Variants in NPAS2 observed in about 807,000 individuals in gnomAD.
The protein encoded by NPAS2 is neuronal PAS domain-containing protein 2.
NPAS2 carries 23 observed loss-of-function variants against 107.5 expected under a neutral mutation model. The observed-to-expected ratio is 0.21, with a 90% confidence interval of 0.15 to 0.30. The LOEUF is 0.30. Among genes scored for constraint, NPAS2 ranks in the 10% least tolerant of loss-of-function variants. The pLI is 1.00. For synonymous variants in NPAS2, 403 were observed against 417.5 expected (o/e 0.97, Z 0.42); for missense variants, 756 against 1,043.3 (o/e 0.72, Z 3.79).
chr2:100,842,592 C>G (rs925623514), intron 1 of NPAS2, among the ~76,000 whole-genome samples: 1 of 152,156 alleles, frequency 6.6e-6, no homozygotes, highest in Non-Finnish European at 1.5e-5. Context: ...ATATAAAGTC[C>G]TTAGTCGTGC....
chr2:100,860,075 C>A (rs1271799472), intron 1 of NPAS2, among the ~76,000 whole-genome samples: 3 of 152,132 alleles, frequency 2.0e-5, no homozygotes, highest in East Asian at 3.9e-4. Flanking sequence ...CAGATTGTCC[C>A]AATAATGTCC....
At chr2:100,838,762 A>G (rs1677218232) in intron 1 of NPAS2, among the ~76,000 whole-genome samples, 1 of 152,158 alleles carries the variant, frequency 6.6e-6, no homozygotes, top group Admixed American at 6.5e-5. Flanking sequence ...CGGAGGAGAT[A>G]ATGAGGGTGA....
Position 100,947,602 on chromosome 2 carries a change from G to A in NPAS2, c.364-633G>A, listed in dbSNP as rs10170726. 3.2e-3 allele frequency among the ~76,000 whole-genome samples: 484 copies of A among 151,724 alleles called. 3 individuals are homozygous for A. Among genetic ancestry groups the A allele is most frequent in the African/African-American group, 0.011 (436 of 41,354 alleles). ...TCAGTTCCTTGTTCACACTAGCCAC[G>A]TTTCAAGTGCTCAGTAACCATGTGG... On this transcript the variant is annotated intron_variant, in intron 5 of 20. Coordinates refer to ENST00000335681, the MANE Select transcript of NPAS2 (RefSeq NM_002518.4).
upstream of NPAS2, chr2:100,820,088 G>GAGGAGGC (rs1428637557): frequency 3.3e-5 from 5 of 150,778 alleles, no homozygotes; most frequent in Admixed American, 6.6e-5. This position sits in a 1 kb window ranked among gnomAD's most constrained non-coding sequence, Gnocchi z 5.6. Context: ...AGGGTGGAGG[G>GAGGAGGC]AGGAGGCAGG....
chr2:100,977,855 G>T (rs1210569876), intron 15 of NPAS2, 56 bp downstream of exon 15: 6 of 1,437,012 alleles, frequency 4.2e-6, no homozygotes, highest in Non-Finnish European at 5.9e-6. Flanking sequence ...TCCGCAGTGT[G>T]CTGCGCTGAT....
At chr2:100,840,412 G>A (rs1314274858) in intron 1 of NPAS2, among the ~76,000 whole-genome samples, 9 of 152,074 alleles carry the variant, frequency 5.9e-5, no homozygotes, top group African/African-American at 1.9e-4. Context: ...TTATTGAACT[G>A]CGCTGAAGGA....
chr2:100,949,320 C>T, intron 6 of NPAS2, 47 bp from the exon 7 acceptor site: 1 of 1,058,492 alleles, frequency 9.4e-7, no homozygotes, highest in Non-Finnish European at 1.5e-6. Flanking sequence ...AGAGTCTGTG[C>T]AATGCTCACG....
chr2:100,925,098 C>G, intron 2 of NPAS2, 48 bp from the exon 3 acceptor site: 1 of 1,567,754 alleles, frequency 6.4e-7, no homozygotes, highest in Non-Finnish European at 8.7e-7. Context: ...ATCACAAAGC[C>G]TTTGTGACGT....
chr2:100,934,882 A>G (rs760389501), intron 4 of NPAS2: 23 of 985,276 alleles, frequency 2.3e-5, no homozygotes, highest in South Asian at 1.4e-4. Flanking sequence ...GACTGTGAAG[A>G]ATCCAGGTGC....
At chr2:100,872,079 C>T (rs796213096) in intron 1 of NPAS2, among the ~76,000 whole-genome samples, 4 of 152,320 alleles carry the variant, frequency 2.6e-5, no homozygotes, top group African/African-American at 9.6e-5. Flanking sequence ...TAGAGGAGTT[C>T]TCCTTTTGAG....
At position 100,974,850 on chromosome 2, in the gene NPAS2, C is replaced by T. The variant is rs755248154; in HGVS notation, c.1188C>T (p.Asp396=). The T allele has an allele frequency of 4.2e-5, 67 of 1,613,976 alleles. 1 individual carries two copies. Among genetic ancestry groups the T allele is most frequent in the South Asian group, 1.6e-4 (15 of 91,088 alleles). ...LEPRQHFNTL[D]VGASGLNTSH... is the part of the protein sequence containing the mutation. ...CTCGGCAGCACTTTAACACACTCGACGTGGGTGCCTCGGGCCTTAATACCA... is the reference window on the plus strand; with the variant it reads ...CTCGGCAGCACTTTAACACACTCGATGTGGGTGCCTCGGGCCTTAATACCA... Residue 396 remains aspartate, a synonymous_variant, in exon 13 of 21, where the codon GAC becomes GAT. Coordinates refer to ENST00000335681, the MANE Select transcript of NPAS2 (RefSeq NM_002518.4).
At chr2:100,878,076 A>G in intron 1 of NPAS2, 5 of 985,354 alleles carry the variant, frequency 5.1e-6, no homozygotes, top group Non-Finnish European at 6.0e-6. Context: ...AAAAGTGGTG[A>G]CGAGTCAGCA....
intron 5 of NPAS2, among the ~76,000 whole-genome samples, chr2:100,946,881 A>G (rs1296402394): frequency 6.6e-6 from 1 of 152,164 alleles, no homozygotes; most frequent in African/African-American, 2.4e-5. Flanking sequence ...CGAGAAGGAG[A>G]GAAGACAAAG....
Position 100,971,000 on chromosome 2 carries a change from G to A in NPAS2, c.1066G>A (p.Val356Ile). 3 of 1,614,112 alleles carry A rather than the reference G, an allele frequency of 1.9e-6. No homozygotes were observed. The highest frequency in any genetic ancestry group is 2.5e-6 in the Non-Finnish European group (3 of 1,179,994). Residue 356 changes from valine to isoleucine, a missense_variant, in exon 12 of 21, where the codon GTC becomes ATC. By Grantham distance (29) the Val-to-Ile change is conservative. Coordinates refer to ENST00000335681, the MANE Select transcript of NPAS2 (RefSeq NM_002518.4). ...CTHSVVSYAD[V>I]RVERRQELAL... ...TAATTTCCTGTACAGTTACGCAGATGTCCGGGTGGAAAGGAGGCAGGAGCT... is the reference window on the plus strand; with the variant it reads ...TAATTTCCTGTACAGTTACGCAGATATCCGGGTGGAAAGGAGGCAGGAGCT...
intron 1 of NPAS2, among the ~76,000 whole-genome samples, chr2:100,855,094 T>C (rs1463655128): frequency 6.6e-6 from 1 of 152,240 alleles, no homozygotes; most frequent in African/African-American, 2.4e-5. Context: ...TGTAAAAATG[T>C]GGCTTGTAGG....
chr2:100,983,187 A>C (rs558705424), intron 16 of NPAS2: 2 of 152,230 alleles, frequency 1.3e-5, no homozygotes, highest in Admixed American at 6.5e-5. Flanking sequence ...GAAGGGACAG[A>C]AAGAAGCAGA....
chr2:100,922,704 G>A (rs1683309388), intron 2 of NPAS2, among the ~76,000 whole-genome samples: 1 of 152,142 alleles, frequency 6.6e-6, no homozygotes, highest in Non-Finnish European at 1.5e-5. Flanking sequence ...TTGGAAATAA[G>A]GTCATTCCAG....
intron 16 of NPAS2, chr2:100,984,555 T>C (rs540127001): frequency 2.6e-5 from 4 of 152,168 alleles, no homozygotes; most frequent in African/African-American, 7.2e-5. Context: ...TCTGTGAGTG[T>C]AGGATTGGTT....
chr2:100,932,778 T>G (rs1468733121), intron 3 of NPAS2, 132 bp from the exon 4 acceptor site: 1 of 651,192 alleles, frequency 1.5e-6, no homozygotes, highest in Admixed American at 2.6e-5. Context: ...ACATATTTCC[T>G]TCTGCTGGCT....
Sources: allele counts gnomAD v4.1 joint callset (sites outside exome capture counted in the v4.1 genomes callset), GRCh38; gene constraint gnomAD v4.1.1; non-coding constraint Gnocchi (gnomAD v3.1); transcripts MANE v1.5; gene names NCBI Gene and HGNC (gene_info 2026-07-23, HGNC 2026-07-21).